Variants in ABCB8 observed in about 807,000 individuals in gnomAD.
ABCB8 encodes mitochondrial potassium channel ATP-binding subunit.
Under a neutral mutation model 73.0 loss-of-function variants are expected in ABCB8, and 52 were observed. The ratio of observed to expected loss-of-function variants is 0.71; its 90% CI spans 0.57 to 0.90. The LOEUF is 0.90. Among genes scored for constraint, ABCB8 ranks in the 40% least tolerant of loss-of-function variants. The pLI is 0.00. For missense variants in ABCB8, 909 were observed against 974.6 expected, an observed-to-expected ratio of 0.93 and a Z score of 0.90; for synonymous variants, 428 against 423.5, an observed-to-expected ratio of 1.01 and a Z score of -0.13.
intron 2 of ABCB8, 111 bp downstream of exon 2, chr7:151,034,028 G>C: frequency 7.4e-7 from 1 of 1,352,700 alleles, no homozygotes; most frequent in Non-Finnish European, 9.8e-7. Flanking sequence ...GGAGCAGCAA[G>C]GGCTAGCCAG....
Position 151,033,324 on chromosome 7 carries a change from C to T in ABCB8, c.96-281C>T, listed in dbSNP as rs1415265872. 2.5e-5 allele frequency: 25 copies of T among 1,019,296 alleles called. No homozygotes were observed. The South Asian group carries it at 3.5e-4, about 14-fold the overall frequency. The allele number at this position is 1,019,296 out of a possible 1,614,324, so 63.1% of individuals were successfully genotyped here. A position where few individuals can be genotyped will look rare whatever the true frequency, so the allele number is the denominator to read the frequency against. ...CTGTCAGAGCCTGGAGTCGAGGCTGCGAGGGCCCTGGCTGGCTGGGTGTTG... is the reference window on the plus strand; with the variant it reads ...CTGTCAGAGCCTGGAGTCGAGGCTGTGAGGGCCCTGGCTGGCTGGGTGTTG... On this transcript the variant is annotated intron_variant, in intron 1 of 15. Coordinates refer to ENST00000358849, the MANE Select transcript of ABCB8 (RefSeq NM_007188.5).
In ABCB8 at chr7:151,031,521, C is replaced by T. The variant is rs1584945617; in HGVS notation, c.96-2084C>T. The T allele has an allele frequency of 3.6e-5, 17 of 477,308 alleles. No individual in the cohort carries two copies. The East Asian group carries it at 5.7e-4, about 16-fold the overall frequency. 29.6% of individuals were successfully genotyped at this position (477,308 alleles called of 1,614,324 possible). On this transcript the variant is annotated intron_variant, in intron 1 of 15. Transcript: ENST00000358849. ...ACTACTCTTTTTTTAAACCTTTCCC[C>T]ATCAGTAAGCTTATCTAGATCTTCT...
chr7:151,030,591 G>A (rs1353443291), intron 1 of ABCB8, among the ~76,000 whole-genome samples: 1 of 152,106 alleles, frequency 6.6e-6, no homozygotes, highest in African/African-American at 2.4e-5. Flanking sequence ...GCCAAGGCAG[G>A]CAGATCACTT....
chr7:151,036,752 T>C (rs1796321143), intron 9 of ABCB8, 103 bp downstream of exon 9: 3 of 1,020,276 alleles, frequency 2.9e-6, no homozygotes, highest in South Asian at 1.3e-5. Flanking sequence ...GGCCGACTGC[T>C]GTGCAGCTCC....
At position 151,033,790 on chromosome 7, in the gene ABCB8, C is replaced by T. The variant is rs772584734; in HGVS notation, c.281C>T (p.Ala94Val). 6.2e-7 allele frequency: 1 copy of T among 1,614,092 alleles called. No homozygotes were observed. Among genetic ancestry groups the T allele is most frequent in the African/African-American group, 1.3e-5 (1 of 75,036 alleles). ...AAGCATCCCCACCTCTGCCTTGTGG[C>T]CCTGTGTGAGGCAGAAGAGGCCCCT... ...LSKHPHLCLV[A>V]LCEAEEAPPA... The change falls in exon 2 of 16, where the codon GCC becomes GTC. Residue 94 changes from alanine (A) to valine (V), a missense_variant. Transcript: ENST00000358849.
Position 151,033,870 on chromosome 7 carries a change from T to A in ABCB8, c.361T>A (p.Trp121Arg). Residue 121 changes from tryptophan (W) to arginine (R), a missense_variant, in exon 2 of 16, where the codon TGG becomes AGG. Transcript: ENST00000358849. Reference sequence around the variant, plus strand: ...GTCTCGCTTTAACTGGAAGCTCTTCTGGCAGTTTCTGCACCCCCACCTGCT... The same window carrying A: ...GTCTCGCTTTAACTGGAAGCTCTTCAGGCAGTTTCTGCACCCCCACCTGCT... ...VGSRFNWKLF[W>R]QFLHPHLLVL... 6.2e-7 allele frequency: 1 copy of A among 1,611,712 alleles called. No individual in the cohort carries two copies. The highest frequency in any genetic ancestry group is 8.5e-7 in the Non-Finnish European group (1 of 1,178,596).
At chr7:151,040,765 G>T in intron 11 of ABCB8, 63 bp from the exon 12 acceptor site, 1 of 1,596,452 alleles carries the variant, frequency 6.3e-7, no homozygotes, top group East Asian at 2.3e-5. Context: ...GAGACTTCAG[G>T]AGGGACCCGG....
In ABCB8 at chr7:151,044,025, G is replaced by A. The variant is rs199779363; in HGVS notation, c.1820G>A (p.Arg607Gln). Residue 607 changes from arginine to glutamine, a missense_variant, in exon 15 of 16, where the codon CGA becomes CAA. By Grantham distance (43) the Arg-to-Gln change is conservative. Coordinates refer to ENST00000358849, the MANE Select transcript of ABCB8 (RefSeq NM_007188.5). ...GGQKQRLAIA[R>Q]ALIKQPTVLI... The stretch of plus-strand genomic sequence containing the variant: ...CAGAAGCAGCGCCTGGCCATCGCCC[G>A]AGCCCTTATCAAGCAGCCCACGGTG... 1.1e-5 allele frequency: 17 copies of A among 1,613,128 alleles called. No homozygotes were observed. Among genetic ancestry groups the A allele is most frequent in the East Asian group, 8.9e-5 (4 of 44,874 alleles).
rs1796321549 is a variant in ABCB8 at position 151,036,763 on chromosome 7, A to T, written c.1217+114A>T. On this transcript the variant is annotated intron_variant, in intron 9 of 15. Coordinates refer to ENST00000358849, the MANE Select transcript of ABCB8 (RefSeq NM_007188.5). ...TGGGGGCCGACTGCTGTGCAGCTCC[A>T]GGCCTGCCCAGCTTCCCCAGGGATG... is the stretch of plus-strand genomic sequence containing the variant. 25 of 918,482 alleles carry T rather than the reference A, an allele frequency of 2.7e-5. No homozygotes were observed. The South Asian group carries it at 3.2e-4, about 12-fold the overall frequency. The allele number at this position is 918,482 out of a possible 1,614,324, so 56.9% of individuals were successfully genotyped here. A position where few individuals can be genotyped will look rare whatever the true frequency, so the allele number is the denominator to read the frequency against.
intron 9 of ABCB8, chr7:151,037,695 T>C (rs1387556596): frequency 6.2e-6 from 2 of 320,288 alleles, no homozygotes; most frequent in Non-Finnish European, 1.2e-5. Flanking sequence ...CCCATTCTAC[T>C]GAGGCATGTG....
chr7:151,042,871 T>C (rs1378907582), intron 14 of ABCB8, among the ~76,000 whole-genome samples: 1 of 152,240 alleles, frequency 6.6e-6, no homozygotes, highest in Non-Finnish European at 1.5e-5. Flanking sequence ...TCCAGCCGTG[T>C]TGATACACTG....
intron 1 of ABCB8, chr7:151,031,204 G>C (rs773501175): frequency 3.8e-6 from 5 of 1,312,996 alleles, no homozygotes; most frequent in Admixed American, 2.0e-5. Context: ...CCGGAGTTCT[G>C]CCAGTGCTGT....
At chr7:151,037,768 C>T (rs1037398009) in intron 9 of ABCB8, 1 of 211,224 alleles carries the variant, frequency 4.7e-6, no homozygotes, top group Admixed American at 5.3e-5. Context: ...CCCCTCACTG[C>T]AGGGTGTACT....
intron 13 of ABCB8, 79 bp downstream of exon 13, chr7:151,041,311 T>G (rs1796459606): frequency 3.4e-6 from 5 of 1,464,570 alleles, no homozygotes; most frequent in Non-Finnish European, 4.5e-6. Flanking sequence ...CTCAGGTGCC[T>G]TTTCTTTCTT....
chr7:151,038,598 G>A (rs1796373416), intron 9 of ABCB8: 1 of 151,940 alleles, frequency 6.6e-6, no homozygotes, highest in Non-Finnish European at 1.5e-5. Context: ...TCCCTGTGGG[G>A]AGGGTGGCTG....
rs1796441367 is a variant in ABCB8 at position 151,040,887 on chromosome 7, G to A, written c.1448G>A (p.Gly483Asp). The change falls in exon 12 of 16, where the codon GGC becomes GAC. Residue 483 changes from glycine (G) to aspartate (D), a missense_variant. Physicochemically the swap from Gly to Asp is moderately conservative, Grantham distance 94 (BLOSUM62 -1). Coordinates refer to ENST00000358849, the MANE Select transcript of ABCB8 (RefSeq NM_007188.5). The part of the protein sequence containing the change: ...LKDFTLTLPP[G>D]KIVALVGQSG... ...GACTTCACCCTGACGCTGCCCCCTG[G>A]CAAGATCGTGGCCCTCGTGGGCCAG... The A allele has an allele frequency of 2.5e-6, 4 of 1,606,314 alleles. No individual in the cohort carries two copies. The highest frequency in any genetic ancestry group is 3.4e-6 in the Non-Finnish European group (4 of 1,176,780).
rs1433029487 is a variant in ABCB8, at chr7:151,034,397, G to A, written c.533G>A (p.Ser178Asn). 1 of 1,613,880 alleles carries A rather than the reference G, an allele frequency of 6.2e-7. No homozygotes were observed. Among genetic ancestry groups the A allele is most frequent in the Non-Finnish European group, 8.5e-7 (1 of 1,180,018 alleles). ...GSFMTESQNL[S>N]THLLILYGVQ... ...TTCATGACTGAGTCCCAGAATCTCA[G>A]CACCCACCTGCTTATCCTCTATGGT... The change falls in exon 3 of 16, where the codon AGC becomes AAC. Residue 178 changes from serine to asparagine, a missense_variant. Ser to Asn is a conservative substitution (Grantham distance 46, BLOSUM62 1). Transcript: ENST00000358849.
At chr7:151,045,038 A>G (rs1796578083) in intron 15 of ABCB8, among the ~76,000 whole-genome samples, 171 bp from the exon 16 acceptor site, 1 of 152,260 alleles carries the variant, frequency 6.6e-6, no homozygotes, top group African/African-American at 2.4e-5. Flanking sequence ...CTAATGCAGC[A>G]TGCCAGTGGC....
chr7:151,033,349 G>A, intron 1 of ABCB8: 2 of 1,278,472 alleles, frequency 1.6e-6, no homozygotes, highest in Non-Finnish European at 1.0e-6. Flanking sequence ...GCTGGGTGTT[G>A]CCTGAGAGTT....
Sources: allele counts gnomAD v4.1 joint callset (sites outside exome capture counted in the v4.1 genomes callset), GRCh38; gene constraint gnomAD v4.1.1; transcripts MANE v1.5; gene names NCBI Gene and HGNC (gene_info 2026-07-23, HGNC 2026-07-21).